ZNF710: variants seen among roughly 807,000 people sequenced by gnomAD.
The protein encoded by ZNF710 is zinc finger protein 710.
Under a neutral mutation model 50.6 loss-of-function variants are expected in ZNF710, and 13 were observed. The ratio of observed to expected loss-of-function variants is 0.26; its 90% CI spans 0.17 to 0.41. The LOEUF (loss-of-function observed/expected upper bound fraction) is 0.41. Ranked by LOEUF, ZNF710 falls within the 10% of genes least tolerant of loss-of-function variation. The pLI is 1.00. For missense variants in ZNF710, 721 were observed against 936.6 expected (o/e 0.77, Z 3.01); for synonymous variants, 383 against 397.0 (o/e 0.96, Z 0.42).
In ZNF710 at chr15:90,004,930, A is replaced by T. The variant is rs565106707; in HGVS notation, c.-29+3316A>T. Among the ~76,000 whole-genome samples, 21 of 152,348 alleles carry T rather than the reference A, an allele frequency of 1.4e-4. No homozygotes were observed. In the East Asian group the frequency reaches 3.9e-3, roughly 28 times the overall value. ...GGTGATTCAGGCTGTTTCAACACTG[A>T]CTTCTTCAAAGTCCAACAATCAGAG... On this transcript the variant is annotated intron_variant, in intron 1 of 4. Coordinates refer to ENST00000268154, the MANE Select transcript of ZNF710 (RefSeq NM_198526.4).
In ZNF710 at chr15:90,034,513, A is replaced by G. The variant is rs945525141; in HGVS notation, c.-28-32597A>G. On this transcript the variant is annotated intron_variant, in intron 1 of 4. Transcript: ENST00000268154. This position sits in a 1 kb window ranked among gnomAD's most constrained non-coding sequence, Gnocchi z 4.0. The stretch of plus-strand genomic sequence containing the variant: ...TGGTGGTGGTGGCCATGGTGTCGGC[A>G]GCAGCAGGGTTGTCAGGAAACAACC... 2.0e-5 allele frequency among the ~76,000 whole-genome samples: 3 copies of G among 149,680 alleles called. No individual in the cohort carries two copies. Among genetic ancestry groups the G allele is most frequent in the Non-Finnish European group, 4.4e-5 (3 of 67,670 alleles).
chr15:90,030,576 CAG>C (rs1898909607), intron 1 of ZNF710, among the ~76,000 whole-genome samples: 2 of 152,058 alleles, frequency 1.3e-5, no homozygotes, highest in African/African-American at 2.4e-5. Context: ...CATGTGCGCA[CAG>C]AGTGTGTGTT....
At chr15:90,045,201 C>T (rs1046001186) in intron 1 of ZNF710, among the ~76,000 whole-genome samples, 10 of 152,302 alleles carry the variant, frequency 6.6e-5, no homozygotes, top group South Asian at 2.1e-4. Context: ...TTGTCTTCAT[C>T]TCTCTAGCTC....
chr15:90,018,222 A>C (rs886611757), intron 1 of ZNF710, among the ~76,000 whole-genome samples: 8 of 140,624 alleles, frequency 5.7e-5, no homozygotes, highest in African/African-American at 2.2e-4. Context: ...AGACTGGAGG[A>C]CAGTGGCGTG....
chr15:90,031,084 C>T (rs1456677064), intron 1 of ZNF710, among the ~76,000 whole-genome samples: 1 of 141,380 alleles, frequency 7.1e-6, no homozygotes, highest in Non-Finnish European at 1.5e-5. Flanking sequence ...CCAACAAATA[C>T]AAAATGGCCA....
At chr15:90,074,400 G>A (rs141702080) in intron 4 of ZNF710, 110 bp downstream of exon 4, 102 of 1,565,272 alleles carry the variant, frequency 6.5e-5, no homozygotes, top group African/African-American at 1.9e-4. Context: ...CTGAGACTTC[G>A]TTGGGGTGGG....
rs1185692693 is a variant in ZNF710, at chr15:90,063,835, G to C, written c.-28-3275G>C. ...CCGCGCCCTTGAGGTTGGCGGGAGG[G>C]GGCTGATTCCTGGTATTAGGCTGCA... On this transcript the variant is annotated intron_variant, in intron 1 of 4. Coordinates refer to ENST00000268154, the MANE Select transcript of ZNF710 (RefSeq NM_198526.4). Among the ~76,000 whole-genome samples the C allele has an allele frequency of 2.0e-5, 3 of 152,272 alleles. No individual in the cohort carries two copies. The East Asian group carries it at 5.8e-4, about 29-fold the overall frequency.
Position 90,062,274 on chromosome 15 carries a change from C to T in ZNF710, c.-28-4836C>T, listed in dbSNP as rs939994660. 6.6e-6 allele frequency among the ~76,000 whole-genome samples: 1 copy of T among 151,890 alleles called. No homozygotes were observed. The highest frequency in any genetic ancestry group is 1.5e-5 in the Non-Finnish European group (1 of 67,970). Reference sequence around the variant, plus strand: ...CCTTCCCCCACTCCCAGCACAACTACAATCAGGCAGCTCATCTGTGTCTAT... The same window carrying T: ...CCTTCCCCCACTCCCAGCACAACTATAATCAGGCAGCTCATCTGTGTCTAT... On this transcript the variant is annotated intron_variant, in intron 1 of 4. Transcript: ENST00000268154. This position sits in a 1 kb window ranked among gnomAD's most constrained non-coding sequence, Gnocchi z 5.6.
chr15:90,079,938 G>A lies in ZNF710; in HGVS notation c.*109G>A. 9 of 1,085,648 alleles carry A rather than the reference G, an allele frequency of 8.3e-6. No homozygotes were observed. Among genetic ancestry groups the A allele is most frequent in the Non-Finnish European group, 1.0e-5 (8 of 790,490 alleles). 67.3% of individuals were successfully genotyped at this position (1,085,648 alleles called of 1,614,324 possible). On this transcript the variant is annotated 3_prime_UTR_variant, in exon 5 of 5. Transcript: ENST00000268154. ...CCGAGAAACAAGCTACTGCCCCACT[G>A]TTCTGAGCCCTCCCTCCCCGAGTCA...
intron 1 of ZNF710, among the ~76,000 whole-genome samples, 155 bp downstream of exon 1, chr15:90,001,769 C>T (rs907292591): frequency 9.6e-5 from 14 of 146,122 alleles, no homozygotes; most frequent in African/African-American, 3.5e-4. Flanking sequence ...GCGCGCAGGC[C>T]CGCGCCGCGC....
chr15:90,053,798 A>G (rs1026094396), intron 1 of ZNF710, among the ~76,000 whole-genome samples: 15 of 152,010 alleles, frequency 9.9e-5, no homozygotes, highest in African/African-American at 3.6e-4. Flanking sequence ...GCCTCCTCCC[A>G]GGGAGCCCCC....
At chr15:90,023,581 G>T (rs986658224) in intron 1 of ZNF710, among the ~76,000 whole-genome samples, 15 of 152,214 alleles carry the variant, frequency 9.9e-5, no homozygotes, top group Non-Finnish European at 1.9e-4. Context: ...TGACTCAGGT[G>T]GCTGAGGCAG....
At chr15:90,076,798 G>A (rs1013010277) in intron 4 of ZNF710, among the ~76,000 whole-genome samples, 7 of 148,456 alleles carry the variant, frequency 4.7e-5, no homozygotes, top group South Asian at 2.2e-4. Flanking sequence ...ACCAGAAATC[G>A]CCCCACCCCC....
At position 90,037,670 on chromosome 15, in the gene ZNF710, C is replaced by A. The variant is rs548212634; in HGVS notation, c.-28-29440C>A. On this transcript the variant is annotated intron_variant, in intron 1 of 4. Coordinates refer to ENST00000268154, the MANE Select transcript of ZNF710 (RefSeq NM_198526.4). ...TGCTTCTGAGGAAATGATCTCTGAC[C>A]CAAGCATGCCACAATTATGAGAGCA... Among the ~76,000 whole-genome samples, 9 of 152,274 alleles carry A rather than the reference C, an allele frequency of 5.9e-5. 1 individual carries two copies. The highest frequency in any genetic ancestry group is 2.2e-4 in the African/African-American group (9 of 41,540).
rs1420945403 is a variant in ZNF710 at position 90,067,740 on chromosome 15, G to T, written c.603G>T (p.Glu201Asp). ...CCCCGGCCCGGGATGGCTTCCCCGAGCCCAGCATGGCGCTGCCTGGGCCAG... is the reference window on the plus strand; with the variant it reads ...CCCCGGCCCGGGATGGCTTCCCCGATCCCAGCATGGCGCTGCCTGGGCCAG... ...FPAPARDGFP[E>D]PSMALPGPEA... The change falls in exon 2 of 5, where the codon GAG becomes GAT. Residue 201 changes from glutamate (E) to aspartate (D), a missense_variant. Around this residue, in one of 3 missense-constraint regions of ZNF710, gnomAD observed 326 missense variants for 347.1 expected, o/e 0.94. Transcript: ENST00000268154. The surrounding 1 kb of genome is among the most constrained non-coding windows in gnomAD (Gnocchi z 8.1). 4 of 1,598,278 alleles carry T rather than the reference G, an allele frequency of 2.5e-6. No homozygotes were observed. In the African/African-American group the frequency reaches 4.0e-5, roughly 16 times the overall value.
chr15:90,009,837 C>G (rs1204739683), intron 1 of ZNF710, among the ~76,000 whole-genome samples: 3 of 152,106 alleles, frequency 2.0e-5, no homozygotes, highest in African/African-American at 7.2e-5. Flanking sequence ...CCAGCCCACT[C>G]TCACTCCAGC....
At position 90,034,062 on chromosome 15, in the gene ZNF710, C is replaced by T. The variant is rs371426373; in HGVS notation, c.-29+32448C>T. ...ACTAAAAGTACAAAAATTAGCTGGG[C>T]GTGGTAGCAGCTGTAGTCCCAGCTA... On this transcript the variant is annotated intron_variant, in intron 1 of 4. Coordinates refer to ENST00000268154, the MANE Select transcript of ZNF710 (RefSeq NM_198526.4). The surrounding 1 kb of genome is among the most constrained non-coding windows in gnomAD (Gnocchi z 4.0). Among the ~76,000 whole-genome samples, 7 of 151,990 alleles carry T rather than the reference C, an allele frequency of 4.6e-5. No individual in the cohort carries two copies. In the South Asian group the frequency reaches 6.2e-4, roughly 13 times the overall value.
chr15:90,057,577 G>T (rs1185649823), intron 1 of ZNF710, among the ~76,000 whole-genome samples: 2 of 151,944 alleles, frequency 1.3e-5, no homozygotes, highest in Non-Finnish European at 2.9e-5. Context: ...CGCTCCTGTA[G>T]TCCCAGCTAC....
chr15:90,038,379 G>A (rs1899193262), intron 1 of ZNF710, among the ~76,000 whole-genome samples: 1 of 152,146 alleles, frequency 6.6e-6, no homozygotes, highest in Non-Finnish European at 1.5e-5. Context: ...ACTCATTGTT[G>A]CCATTTTGCC....
Sources: gnomAD v4.1 joint callset for allele counts (sites outside exome capture counted in the v4.1 genomes callset) on GRCh38, gnomAD v4.1.1 for gene constraint, gnomAD v4.1.1 regional missense constraint, Gnocchi (gnomAD v3.1) non-coding constraint, MANE v1.5 for transcripts, NCBI Gene and HGNC (gene_info 2026-07-23, HGNC 2026-07-21) for gene names.